Variants in ADGRG2 observed in about 807,000 individuals in gnomAD.
ADGRG2 encodes adhesion G protein-coupled receptor G2.
A neutral mutation model predicts 74.1 loss-of-function variants in ADGRG2; 26 were observed. The ratio of observed to expected loss-of-function variants is 0.35; its 90% CI spans 0.26 to 0.49. ADGRG2 has a LOEUF of 0.49. Among genes scored for constraint, ADGRG2 ranks in the 20% least tolerant of loss-of-function variants. ADGRG2 has a pLI of 0.99. For synonymous variants in ADGRG2, 296 were observed against 295.2 expected (o/e 1.00, Z -0.03); for missense variants, 619 against 763.1 (o/e 0.81, Z 2.22).
intron 3 of ADGRG2, among the ~76,000 whole-genome samples, chrX:19,066,004 G>A (rs1427183420): frequency 9.0e-6 from 1 of 111,443 alleles, no homozygotes; most frequent in Non-Finnish European, 1.9e-5. Flanking sequence ...GCACCACCAC[G>A]CCCGGCTAAT....
At chrX:19,043,914 CA>C (rs2061125206) in intron 3 of ADGRG2, among the ~76,000 whole-genome samples, 1 of 111,371 alleles carries the variant, frequency 9.0e-6, no homozygotes, top group South Asian at 3.8e-4. Flanking sequence ...ACATCATTTC[CA>C]CCCTTGATCA....
At chrX:19,030,153 T>A (rs1157294606) in intron 9 of ADGRG2, among the ~76,000 whole-genome samples, 1 of 112,399 alleles carries the variant, frequency 8.9e-6, no homozygotes, top group Non-Finnish European at 1.9e-5. Context: ...AAAGAAAATA[T>A]TCCTGTAATG....
At chrX:19,121,656 C>T (rs1251653631) in intron 1 of ADGRG2, among the ~76,000 whole-genome samples, 1 of 110,685 alleles carries the variant, frequency 9.0e-6, no homozygotes, top group East Asian at 2.9e-4. Flanking sequence ...AGACGCTCGG[C>T]CCCCACCCCA....
In ADGRG2 at chrX:19,096,933, C is replaced by T. The variant is rs186906763; in HGVS notation, c.-46-14187G>A. ...TATTAGCTGTGAGTGTTAGTGCCAT[C>T]GTTAACTGCTTCCGGGCACCAGGCA... is the stretch of plus-strand genomic sequence containing the variant. On this transcript the variant is annotated intron_variant, in intron 1 of 28. Transcript: ENST00000379869. 2.6e-4 allele frequency among the ~76,000 whole-genome samples: 29 copies of T among 112,496 alleles called. No individual in the cohort carries two copies. In the East Asian group the frequency reaches 7.9e-3, roughly 31 times the overall value.
chrX:19,035,719 T>C (rs2060924575), intron 7 of ADGRG2: 1 of 279,531 alleles, frequency 3.6e-6, no homozygotes, highest in Admixed American at 6.0e-5. Context: ...ATACATGCTA[T>C]TTTAAATGGA....
chrX:19,054,780 A>G (rs2061381989), intron 3 of ADGRG2, among the ~76,000 whole-genome samples: 1 of 112,186 alleles, frequency 8.9e-6, no homozygotes, highest in Admixed American at 9.5e-5. Flanking sequence ...GTGGGACAGA[A>G]GAGAGTTTCC....
At chrX:19,092,934 A>G (rs1459805662) in intron 1 of ADGRG2, among the ~76,000 whole-genome samples, 1 of 112,134 alleles carries the variant, frequency 8.9e-6, no homozygotes, top group Non-Finnish European at 1.9e-5. Flanking sequence ...AAATTACAGA[A>G]GGAGATCAGG....
At chrX:19,027,015 A>G (rs2060718608) in intron 11 of ADGRG2, among the ~76,000 whole-genome samples, 1 of 112,276 alleles carries the variant, frequency 8.9e-6, no homozygotes, top group Non-Finnish European at 1.9e-5. Flanking sequence ...AAGCTGTTAT[A>G]TAACTTCAGC....
intron 1 of ADGRG2, among the ~76,000 whole-genome samples, chrX:19,118,558 T>C (rs931564659): frequency 1.8e-5 from 2 of 111,252 alleles, no homozygotes; most frequent in Non-Finnish European, 3.8e-5. Flanking sequence ...GATAATTTTT[T>C]AATTTTTTTT....
intron 1 of ADGRG2, among the ~76,000 whole-genome samples, chrX:19,103,864 A>G (rs1198629400): frequency 9.0e-6 from 1 of 111,701 alleles, no homozygotes; most frequent in African/African-American, 3.3e-5. Context: ...TGTGGGTTCC[A>G]AAGATGAGAC....
At chrX:19,003,263 C>T (rs1465903405) in intron 23 of ADGRG2, 149 bp from the exon 24 acceptor site, 9 of 454,648 alleles carry the variant, frequency 2.0e-5, no homozygotes, top group Non-Finnish European at 3.1e-5. Flanking sequence ...CTCCTGGGCT[C>T]AAGCGATCTT....
intron 28 of ADGRG2, among the ~76,000 whole-genome samples, chrX:18,992,287 C>G (rs1244768011): frequency 2.7e-5 from 3 of 111,502 alleles, no homozygotes; most frequent in Non-Finnish European, 5.7e-5. Flanking sequence ...CATTAAACTT[C>G]TAGCTTTTTT....
intron 15 of ADGRG2, among the ~76,000 whole-genome samples, chrX:19,014,373 T>C (rs1393899076): frequency 9.0e-6 from 1 of 111,627 alleles, no homozygotes; most frequent in Non-Finnish European, 1.9e-5. Flanking sequence ...ATTGAGGGAA[T>C]CTTCTCTGTG....
chrX:19,033,540 T>C, intron 8 of ADGRG2, 73 bp downstream of exon 8: 1 of 541,632 alleles, frequency 1.8e-6, no homozygotes. Context: ...AAAGAAATTA[T>C]AAACACCAGC....
chrX:19,108,879 T>C (rs2062363261), intron 1 of ADGRG2, among the ~76,000 whole-genome samples: 1 of 111,361 alleles, frequency 9.0e-6, no homozygotes, highest in Non-Finnish European at 1.9e-5. Flanking sequence ...TGTGTATAAT[T>C]TGTACTTCAA....
In ADGRG2 at chrX:18,999,243, C is replaced by T. The variant is rs1191330786; in HGVS notation, c.2367G>A (p.Thr789=). ...WINNNAVFYI[T]VVGYFCVIFL... ...ATATCACACAGAAATATCCCACCACCGTAATGTAGAATACTGCATTGTTGT... is the reference window on the plus strand; with the variant it reads ...ATATCACACAGAAATATCCCACCACTGTAATGTAGAATACTGCATTGTTGT... Residue 789 remains threonine, a synonymous_variant, in exon 26 of 29, where the codon ACG becomes ACA. Transcript: ENST00000379869. 8 of 1,206,691 alleles carry T rather than the reference C, an allele frequency of 6.6e-6. No homozygotes were observed. The highest frequency in any genetic ancestry group is 5.9e-5 in the East Asian group (2 of 33,800).
chrX:19,023,830 C>A (rs1303478305), intron 12 of ADGRG2, 79 bp downstream of exon 12: 1 of 677,298 alleles, frequency 1.5e-6, no homozygotes, highest in African/African-American at 2.2e-5. Flanking sequence ...ATACATATCT[C>A]CCAGGAATGC....
chrX:19,078,819 A>G (rs2061797835), intron 2 of ADGRG2, among the ~76,000 whole-genome samples: 1 of 109,942 alleles, frequency 9.1e-6, no homozygotes, highest in Admixed American at 9.8e-5. Flanking sequence ...AGACATAAAG[A>G]TTAACAAAGC....
chrX:19,086,254 G>A (rs1442878366), intron 1 of ADGRG2, among the ~76,000 whole-genome samples: 1 of 110,956 alleles, frequency 9.0e-6, no homozygotes, highest in African/African-American at 3.3e-5. Context: ...CATCATTGAA[G>A]GGAAAGGGCA....
Sources: allele counts gnomAD v4.1 joint callset (sites outside exome capture counted in the v4.1 genomes callset), GRCh38; gene constraint gnomAD v4.1.1; transcripts MANE v1.5; gene names NCBI Gene and HGNC (gene_info 2026-07-23, HGNC 2026-07-21).